SNAP91: variants seen among roughly 807,000 people sequenced by gnomAD.
The protein encoded by SNAP91 is synaptosome associated protein 91.
In SNAP91, 27 loss-of-function variants were observed where a neutral mutation model predicts 100.3. That is an observed-to-expected ratio of 0.27 (90% CI 0.20 to 0.37). The LOEUF is 0.37. Among genes scored for constraint, SNAP91 ranks in the 10% least tolerant of loss-of-function variants. The pLI, the probability that SNAP91 is intolerant of heterozygous loss-of-function variation, is 1.00. For synonymous variants in SNAP91, 404 were observed against 398.6 expected, an observed-to-expected ratio of 1.01 and a Z score of -0.16; for missense variants, 986 against 1,123.7, an observed-to-expected ratio of 0.88 and a Z score of 1.75.
intron 9 of SNAP91, among the ~76,000 whole-genome samples, chr6:83,621,585 A>G (rs1183181207): frequency 1.3e-5 from 2 of 152,174 alleles, no homozygotes; most frequent in Non-Finnish European, 2.9e-5. Context: ...AAATATTATA[A>G]TGACTATAAT....
chr6:83,584,042 G>A (rs2128139561), intron 22 of SNAP91, among the ~76,000 whole-genome samples: 1 of 152,260 alleles, frequency 6.6e-6, no homozygotes, highest in South Asian at 2.1e-4. Context: ...AAATCAGTAA[G>A]AGCTTATCCC....
At chr6:83,564,199 C>G (rs546385555) in intron 26 of SNAP91, among the ~76,000 whole-genome samples, 31 of 152,162 alleles carry the variant, frequency 2.0e-4, no homozygotes, top group Non-Finnish European at 3.1e-4. Context: ...TAAACCCATA[C>G]CTCTATGGTT....
chr6:83,705,328 C>A (rs1327498887), intron 2 of SNAP91, among the ~76,000 whole-genome samples: 1 of 152,026 alleles, frequency 6.6e-6, no homozygotes, highest in Non-Finnish European at 1.5e-5. Context: ...TTTTTTCATG[C>A]ATATTATAAA....
At chr6:83,567,430 C>G (rs1489867276) in intron 26 of SNAP91, among the ~76,000 whole-genome samples, 1 of 152,150 alleles carries the variant, frequency 6.6e-6, no homozygotes, top group African/African-American at 2.4e-5. Flanking sequence ...CCATTCAGGA[C>G]ATAGGCATGG....
chr6:83,583,322 C>T (rs1831131672), intron 22 of SNAP91, among the ~76,000 whole-genome samples: 1 of 152,202 alleles, frequency 6.6e-6, no homozygotes, highest in South Asian at 2.1e-4. Context: ...AGGCCAGGAA[C>T]TGTGTCTTCT....
At chr6:83,590,071 A>C (rs2093504944) in intron 22 of SNAP91, among the ~76,000 whole-genome samples, 1 of 152,168 alleles carries the variant, frequency 6.6e-6, no homozygotes, top group Non-Finnish European at 1.5e-5. Flanking sequence ...TGCTCTCGTC[A>C]GCCCCTTGTC....
At chr6:83,631,929 A>G (rs2097220925) in intron 8 of SNAP91, among the ~76,000 whole-genome samples, 1 of 151,654 alleles carries the variant, frequency 6.6e-6, no homozygotes, top group African/African-American at 2.4e-5. Context: ...AAAATTATAT[A>G]TTTTTTATAG....
intron 16 of SNAP91, among the ~76,000 whole-genome samples, chr6:83,595,005 C>T (rs1582917677): frequency 6.6e-6 from 1 of 152,094 alleles, no homozygotes; most frequent in East Asian, 1.9e-4. Flanking sequence ...GGCAAAATTA[C>T]AGTGTTAACA....
At chr6:83,574,139 T>C (rs1357557372) in intron 26 of SNAP91, among the ~76,000 whole-genome samples, 2 of 152,116 alleles carry the variant, frequency 1.3e-5, no homozygotes, top group East Asian at 3.8e-4. Flanking sequence ...AAGGATAACA[T>C]CAAGAAAGCC....
chr6:83,607,145 G>C (rs1236981750), intron 13 of SNAP91, among the ~76,000 whole-genome samples: 1 of 152,136 alleles, frequency 6.6e-6, no homozygotes, highest in African/African-American at 2.4e-5. Flanking sequence ...CCTATGAGCT[G>C]GGGATTGATT....
intron 24 of SNAP91, 76 bp from the exon 25 acceptor site, chr6:83,576,129 T>TA (rs1363958949): frequency 1.3e-6 from 1 of 750,194 alleles, no homozygotes; most frequent in African/African-American, 1.9e-5. Context: ...AAAGATCAAA[T>TA]AATCAGAAGT....
chr6:83,592,857 C>T, intron 20 of SNAP91, 89 bp downstream of exon 20: 1 of 978,680 alleles, frequency 1.0e-6, no homozygotes, highest in Non-Finnish European at 1.5e-6. Flanking sequence ...TTTAAAAGAA[C>T]TCAAGAAAAA....
At position 83,604,960 on chromosome 6, in the gene SNAP91, A is replaced by C. The variant is rs984504176; in HGVS notation, c.1141+725T>G. On this transcript the variant is annotated intron_variant, in intron 14 of 29. Coordinates refer to ENST00000369694, the MANE Select transcript of SNAP91 (RefSeq NM_001242792.2). ...ATGTCTTAAACTTTTTGAAAATTTTATTCTGATAGTTTGGTACAGGAAGGC... is the reference window on the plus strand; with the variant it reads ...ATGTCTTAAACTTTTTGAAAATTTTCTTCTGATAGTTTGGTACAGGAAGGC... Among the ~76,000 whole-genome samples the C allele has an allele frequency of 1.4e-4, 22 of 152,114 alleles. 1 individual carries two copies. The highest frequency in any genetic ancestry group is 4.6e-4 in the Admixed American group (7 of 15,274).
chr6:83,646,438 T>C (rs941107295), intron 7 of SNAP91, among the ~76,000 whole-genome samples: 2 of 152,222 alleles, frequency 1.3e-5, no homozygotes, highest in East Asian at 1.9e-4. Context: ...ATTTTTTTGG[T>C]GTATGCACGT....
At position 83,567,387 on chromosome 6, in the gene SNAP91, A is replaced by C. The variant is rs377403626; in HGVS notation, c.2443-6440T>G. Among the ~76,000 whole-genome samples the C allele has an allele frequency of 9.8e-5, 15 of 152,338 alleles. No individual in the cohort carries two copies. In the South Asian group the frequency reaches 3.1e-3, roughly 32 times the overall value. On this transcript the variant is annotated intron_variant, in intron 26 of 29. Coordinates refer to ENST00000369694, the MANE Select transcript of SNAP91 (RefSeq NM_001242792.2). The stretch of plus-strand genomic sequence containing the variant: ...ATTAAAGACTTAAATGTTAGACCGA[A>C]AACCATAAAAACCCTAGAACACCTA...
intron 8 of SNAP91, among the ~76,000 whole-genome samples, chr6:83,626,899 G>A (rs1337464682): frequency 2.6e-5 from 4 of 152,026 alleles, no homozygotes; most frequent in Non-Finnish European, 5.9e-5. Context: ...ATGCTGAATA[G>A]TAGTGGTGAA....
At chr6:83,609,410 C>G (rs7762649) in intron 12 of SNAP91, among the ~76,000 whole-genome samples, 6,501 of 152,174 alleles carry the variant, frequency 0.043, 457 homozygotes, top group African/African-American at 0.15. Flanking sequence ...ATAAATGGAG[C>G]TTTTCACTTG....
chr6:83,615,328 G>C (rs1428395841), intron 10 of SNAP91, among the ~76,000 whole-genome samples: 3 of 152,174 alleles, frequency 2.0e-5, no homozygotes, highest in African/African-American at 7.2e-5. Flanking sequence ...GACTTACAGT[G>C]TGCATCCAGC....
intron 29 of SNAP91, among the ~76,000 whole-genome samples, chr6:83,555,407 G>A (rs2127747192): frequency 6.6e-6 from 1 of 152,266 alleles, no homozygotes; most frequent in East Asian, 1.9e-4. Context: ...CCAAGGATCA[G>A]TTCTTTTAGC....
Sources: allele counts gnomAD v4.1 joint callset (sites outside exome capture counted in the v4.1 genomes callset), GRCh38; gene constraint gnomAD v4.1.1; transcripts MANE v1.5; gene names NCBI Gene and HGNC (gene_info 2026-07-23, HGNC 2026-07-21).